The following IGF2BP3 variants were observed in gnomAD, a reference collection of about 807,000 sequenced individuals.
IGF2BP3 encodes insulin-like growth factor 2 mRNA-binding protein 3.
A neutral mutation model predicts 73.8 loss-of-function variants in IGF2BP3; 9 were observed. The ratio of observed to expected loss-of-function variants is 0.12; its 90% CI spans 0.07 to 0.21. IGF2BP3 has a LOEUF of 0.21. Ranked by LOEUF, IGF2BP3 falls within the 10% of genes least tolerant of loss-of-function variation. IGF2BP3 has a pLI of 1.00. For synonymous variants in IGF2BP3, 258 were observed against 256.7 expected (o/e 1.01, Z -0.05); for missense variants, 542 against 714.0 (o/e 0.76, Z 2.75).
chr7:23,452,744 G>C (rs180789665), intron 2 of IGF2BP3, among the ~76,000 whole-genome samples: 3 of 151,064 alleles, frequency 2.0e-5, no homozygotes, highest in Admixed American at 2.0e-4. Flanking sequence ...GGAGGTTGCA[G>C]TGAGCCGAGA....
chr7:23,457,251 T>C lies in IGF2BP3; in HGVS notation c.236+11231A>G, dbSNP rs190845821. Among the ~76,000 whole-genome samples the C allele has an allele frequency of 8.6e-3, 1,303 of 152,078 alleles. 10 individuals carry two copies. The highest frequency in any genetic ancestry group is 0.032 in the South Asian group (154 of 4,814). On this transcript the variant is annotated intron_variant, in intron 2 of 14. Transcript: ENST00000258729. ...GCTAAGGCAGGAGGATCACTTGAGG[T>C]CAGGAGTTCAGAGACCAGCCTGGCC...
intron 5 of IGF2BP3, among the ~76,000 whole-genome samples, chr7:23,355,656 G>C (rs1466919105): frequency 6.6e-6 from 1 of 152,136 alleles, no homozygotes; most frequent in Non-Finnish European, 1.5e-5. Flanking sequence ...ACTGGGGCCA[G>C]GTGCAGTGGC....
chr7:23,455,684 G>A (rs1031864487), intron 2 of IGF2BP3, among the ~76,000 whole-genome samples: 11 of 136,612 alleles, frequency 8.1e-5, no homozygotes, highest in Non-Finnish European at 1.6e-5. Context: ...TTCAGGACAA[G>A]GGTCTTACTA....
At chr7:23,457,724 C>T (rs1378215194) in intron 2 of IGF2BP3, among the ~76,000 whole-genome samples, 5 of 152,142 alleles carry the variant, frequency 3.3e-5, no homozygotes, top group Non-Finnish European at 7.4e-5. Context: ...ATGCATAGAG[C>T]TTCTAGAAAA....
chr7:23,456,181 A>G (rs777854445), intron 2 of IGF2BP3, among the ~76,000 whole-genome samples: 6 of 151,964 alleles, frequency 3.9e-5, no homozygotes, highest in Non-Finnish European at 4.4e-5. Flanking sequence ...TCTCCAAAGA[A>G]AGAGCAAGAG....
chr7:23,389,984 A>G (rs1429222393), intron 3 of IGF2BP3, among the ~76,000 whole-genome samples: 1 of 152,014 alleles, frequency 6.6e-6, no homozygotes, highest in African/African-American at 2.4e-5. Context: ...TCTAAAATAC[A>G]CACACACACA....
intron 5 of IGF2BP3, among the ~76,000 whole-genome samples, chr7:23,353,253 A>G (rs1481763470): frequency 6.6e-6 from 1 of 152,040 alleles, no homozygotes; most frequent in Non-Finnish European, 1.5e-5. Flanking sequence ...TTATTTGCAA[A>G]TCTACTCTCA....
rs117218924 is a variant in IGF2BP3, at chr7:23,390,604, C to T, written c.285+28172G>A. Among the ~76,000 whole-genome samples, 599 of 152,266 alleles carry T rather than the reference C, an allele frequency of 3.9e-3. 2 individuals carry two copies. Among genetic ancestry groups the T allele is most frequent in the Non-Finnish European group, 6.8e-3 (463 of 68,020 alleles). ...CCCACTCTGGCACATGAATGAAATC[C>T]CTCACATGCCAGCTAGAATTAAATA... On this transcript the variant is annotated intron_variant, in intron 3 of 14. Transcript: ENST00000258729.
At chr7:23,344,295 G>A (rs921043635) in intron 8 of IGF2BP3, among the ~76,000 whole-genome samples, 1 of 152,136 alleles carries the variant, frequency 6.6e-6, no homozygotes, top group Non-Finnish European at 1.5e-5. Context: ...TGGCATTCTC[G>A]TGCAATTGCA....
intron 10 of IGF2BP3, among the ~76,000 whole-genome samples, chr7:23,336,338 G>A (rs533324005): frequency 6.6e-6 from 1 of 152,158 alleles, no homozygotes; most frequent in African/African-American, 2.4e-5. Context: ...TAGCTTCAAA[G>A]GAACAGCAAG....
At chr7:23,353,936 A>G (rs1785029152) in intron 5 of IGF2BP3, among the ~76,000 whole-genome samples, 1 of 152,240 alleles carries the variant, frequency 6.6e-6, no homozygotes, top group Non-Finnish European at 1.5e-5. Flanking sequence ...TATATTTGTT[A>G]TAAAAAGTTG....
intron 10 of IGF2BP3, among the ~76,000 whole-genome samples, chr7:23,327,814 G>C (rs985807340): frequency 6.6e-6 from 1 of 152,020 alleles, no homozygotes; most frequent in Non-Finnish European, 1.5e-5. Context: ...TGGCACTAAT[G>C]GTTCCACCTT....
At chr7:23,339,627 G>T (rs944724298) in intron 10 of IGF2BP3, among the ~76,000 whole-genome samples, 4 of 152,130 alleles carry the variant, frequency 2.6e-5, no homozygotes, top group African/African-American at 9.7e-5. Flanking sequence ...CACCAGTATA[G>T]AGAGAAAAAA....
chr7:23,388,571 T>C (rs1786163250), intron 3 of IGF2BP3, among the ~76,000 whole-genome samples: 1 of 150,888 alleles, frequency 6.6e-6, no homozygotes, highest in African/African-American at 2.4e-5. Context: ...AATTTTGTCG[T>C]AATGTTTGTT....
intron 2 of IGF2BP3, among the ~76,000 whole-genome samples, chr7:23,449,835 T>C (rs1363714134): frequency 1.3e-5 from 2 of 152,056 alleles, no homozygotes; most frequent in African/African-American, 2.4e-5. Flanking sequence ...CCAAAGTTCA[T>C]GTGAAAGGCA....
intron 10 of IGF2BP3, among the ~76,000 whole-genome samples, chr7:23,340,065 C>G (rs1419885256): frequency 6.6e-6 from 1 of 152,126 alleles, no homozygotes; most frequent in Non-Finnish European, 1.5e-5. Context: ...GAAAACAAAT[C>G]CAGAGCCAAG....
chr7:23,378,899 G>T (rs916410901), intron 3 of IGF2BP3, among the ~76,000 whole-genome samples: 15 of 151,936 alleles, frequency 9.9e-5, no homozygotes, highest in African/African-American at 3.6e-4. Flanking sequence ...GGCTCCCCCG[G>T]AAGAGTACTG....
At chr7:23,422,860 A>C (rs1787389693) in intron 2 of IGF2BP3, among the ~76,000 whole-genome samples, 1 of 152,142 alleles carries the variant, frequency 6.6e-6, no homozygotes, top group Non-Finnish European at 1.5e-5. Context: ...TAGTAGCGTA[A>C]TCTCGGCTCA....
chr7:23,313,130 C>T (rs547833331), intron 13 of IGF2BP3, among the ~76,000 whole-genome samples: 34 of 152,282 alleles, frequency 2.2e-4, no homozygotes, highest in African/African-American at 7.7e-4. Flanking sequence ...TTATAAATAG[C>T]TTTGAAACCC....
Sources: gnomAD v4.1 joint callset for allele counts (sites outside exome capture counted in the v4.1 genomes callset) on GRCh38, gnomAD v4.1.1 for gene constraint, MANE v1.5 for transcripts, NCBI Gene and HGNC (gene_info 2026-07-23, HGNC 2026-07-21) for gene names.